Variants in SLC13A5 observed in about 807,000 individuals in gnomAD.
SLC13A5 encodes solute carrier family 13 member 5, also known as Na(+)/citrate cotransporter.
A neutral mutation model predicts 56.5 loss-of-function variants in SLC13A5; 25 were observed. The observed-to-expected ratio is 0.44, with a 90% CI of 0.32 to 0.62. The LOEUF (loss-of-function observed/expected upper bound fraction) is 0.62, where lower values mean the gene tolerates loss of function less well. SLC13A5 is among the 20% of genes least tolerant of loss of function. The pLI is 0.04. For missense variants in SLC13A5, 649 were observed against 737.8 expected (o/e 0.88, Z 1.39); for synonymous variants, 307 against 301.5 (o/e 1.02, Z -0.19).
intron 6 of SLC13A5, among the ~76,000 whole-genome samples, chr17:6,699,534 G>C (rs1020008428): frequency 1.3e-5 from 2 of 152,112 alleles, no homozygotes; most frequent in African/African-American, 4.8e-5. Context: ...GCAGTGGCAT[G>C]ATCTTGGCTT....
chr17:6,689,929 G>A (rs1439423332), intron 10 of SLC13A5: 4 of 151,668 alleles, frequency 2.6e-5, no homozygotes, highest in African/African-American at 2.4e-5. Context: ...CACAGCTCTC[G>A]GAAGAAAGAA....
chr17:6,690,483 A>T (rs1047875926), intron 10 of SLC13A5, among the ~76,000 whole-genome samples: 9 of 152,190 alleles, frequency 5.9e-5, no homozygotes, highest in Non-Finnish European at 1.0e-4. Flanking sequence ...TCCTTAGCCC[A>T]AGTCCTGTCT....
intron 4 of SLC13A5, among the ~76,000 whole-genome samples, chr17:6,703,349 G>A (rs1250738525): frequency 5.9e-5 from 9 of 152,232 alleles, no homozygotes; most frequent in Non-Finnish European, 8.8e-5. Context: ...CAATCAGGCC[G>A]TCAGCCACAG....
At chr17:6,694,569 C>G (rs756091548) in intron 7 of SLC13A5, among the ~76,000 whole-genome samples, 12 of 152,058 alleles carry the variant, frequency 7.9e-5, no homozygotes, top group Non-Finnish European at 1.8e-4. Flanking sequence ...TGAGATCATG[C>G]CATTGCACTC....
chr17:6,691,939 A>C (rs1439469899), intron 9 of SLC13A5, among the ~76,000 whole-genome samples: 1 of 152,100 alleles, frequency 6.6e-6, no homozygotes, highest in African/African-American at 2.4e-5. Flanking sequence ...ACTTCTCCTC[A>C]GCTAAATACC....
chr17:6,686,592 G>A, intron 11 of SLC13A5: 3 of 442,456 alleles, frequency 6.8e-6, no homozygotes, highest in Non-Finnish European at 1.3e-5. Context: ...CCTCAGAGAA[G>A]TGACAGGAGG....
chr17:6,698,978 G>C lies in SLC13A5; in HGVS notation c.839+2026C>G, dbSNP rs535146514. 1.3e-4 allele frequency among the ~76,000 whole-genome samples: 20 copies of C among 151,350 alleles called. No homozygotes were observed. The East Asian group carries it at 2.7e-3, about 21-fold the overall frequency. ...GAATTGCTTGAACCCAGGTGGTGGA[G>C]GTTGCAGCGAGCCGAGATCATACCA... On this transcript the variant is annotated intron_variant, in intron 6 of 11. Transcript: ENST00000433363.
rs777002283 is a variant in SLC13A5, at chr17:6,686,254, A to G, written c.1660T>C (p.Leu554=). The change falls in exon 12 of 12, where the codon TTG becomes CTG. Residue 554 remains leucine, a synonymous_variant. Coordinates refer to ENST00000433363, the MANE Select transcript of SLC13A5 (RefSeq NM_177550.5). ...VNTWGRAIFD[L]DHFPDWANVT... ...TTAGCCCAGTCAGGGAAATGATCCA[A>G]GTCAAATATGGCCCGTCCCCAGGTG... The G allele has an allele frequency of 3.1e-6, 5 of 1,614,180 alleles. No homozygotes were observed. In the South Asian group the frequency reaches 5.5e-5, roughly 18 times the overall value.
intron 3 of SLC13A5, 96 bp from the exon 4 acceptor site, chr17:6,704,152 A>T (rs373706302): frequency 1.5e-6 from 2 of 1,364,640 alleles, no homozygotes; most frequent in Non-Finnish European, 2.0e-6. Context: ...CCCTGCAGGG[A>T]TGCACAGGTG....
chr17:6,687,493 T>C lies in SLC13A5; in HGVS notation c.1575+36A>G. 6.2e-7 allele frequency: 1 copy of C among 1,612,280 alleles called. No individual in the cohort carries two copies. On this transcript the variant is annotated intron_variant, in intron 11 of 11. Coordinates refer to ENST00000433363, the MANE Select transcript of SLC13A5 (RefSeq NM_177550.5). The surrounding 1 kb of genome is among the most constrained non-coding windows in gnomAD (Gnocchi z 5.0). The stretch of plus-strand genomic sequence containing the variant: ...GGCATCCCTTATGACAACAGCGTTA[T>C]AGTCCGACGGGAGTAAATAAAAACA...
Position 6,687,879 on chromosome 17 carries a change from C to A in SLC13A5, c.1438-213G>T. The A allele has an allele frequency of 2.0e-6, 1 of 506,670 alleles. No individual in the cohort carries two copies. The highest frequency in any genetic ancestry group is 3.4e-6 in the Non-Finnish European group (1 of 297,512). 31.4% of individuals were successfully genotyped at this position (506,670 alleles called of 1,614,324 possible). A position where few individuals can be genotyped will look rare whatever the true frequency, so the allele number is the denominator to read the frequency against. ...AGGCCACCTGCCCTAGAAGGCCTTA[C>A]CCCCTCAATTCATTCGACATGTATT... On this transcript the variant is annotated intron_variant, in intron 10 of 11. Transcript: ENST00000433363. The surrounding 1 kb of genome is among the most constrained non-coding windows in gnomAD (Gnocchi z 5.0).
At position 6,701,578 on chromosome 17, in the gene SLC13A5, C is replaced by T. The variant is rs559364383; in HGVS notation, c.717-452G>A. Among the ~76,000 whole-genome samples, 2 of 152,252 alleles carry T rather than the reference C, an allele frequency of 1.3e-5. No individual in the cohort carries two copies. Among genetic ancestry groups the T allele is most frequent in the Admixed American group, 6.5e-5 (1 of 15,292 alleles). ...TACAAAAATTAACCAGGCATGGTGG[C>T]GGGCGCCTGTAATCCCAGCTAATAG... On this transcript the variant is annotated intron_variant, in intron 5 of 11. Coordinates refer to ENST00000433363, the MANE Select transcript of SLC13A5 (RefSeq NM_177550.5). The surrounding 1 kb of genome is among the most constrained non-coding windows in gnomAD (Gnocchi z 4.1).
intron 3 of SLC13A5, 151 bp downstream of exon 3, chr17:6,706,491 C>A: frequency 1.8e-6 from 2 of 1,138,040 alleles, no homozygotes; most frequent in Middle Eastern, 3.0e-4. Flanking sequence ...GTCTCTCCCA[C>A]TAAAGCTATA....
Position 6,695,710 on chromosome 17 carries a change from T to C in SLC13A5, c.1055+16A>G. ...CTGGCCCTAAGCCAGCGATTTCTATTGAATCCAAGACTTACTTTGTCTCAC... is the reference window on the plus strand; with the variant it reads ...CTGGCCCTAAGCCAGCGATTTCTATCGAATCCAAGACTTACTTTGTCTCAC... On this transcript the variant is annotated intron_variant, in intron 7 of 11. Transcript: ENST00000433363. The C allele has an allele frequency of 1.2e-6, 2 of 1,613,526 alleles. No individual in the cohort carries two copies. Among genetic ancestry groups the C allele is most frequent in the Non-Finnish European group, 1.7e-6 (2 of 1,179,556 alleles).
intron 6 of SLC13A5, among the ~76,000 whole-genome samples, chr17:6,697,320 C>T (rs1973588180): frequency 6.6e-6 from 1 of 152,174 alleles, no homozygotes; most frequent in Admixed American, 6.5e-5. Flanking sequence ...CCAGAGCCTG[C>T]ATTTGGTGCT....
Position 6,707,175 on chromosome 17 carries a change from G to A in SLC13A5, c.103-19C>T. 1 of 1,612,874 alleles carries A rather than the reference G, an allele frequency of 6.2e-7. No individual in the cohort carries two copies. The highest frequency in any genetic ancestry group is 8.5e-7 in the Non-Finnish European group (1 of 1,179,436). On this transcript the variant is annotated intron_variant, in intron 1 of 11. Transcript: ENST00000433363. Reference sequence around the variant, plus strand: ...TGACAAACTGAAGAGACAGTCCTGAGGCCTCAGCGTGTTGCCGCCTCCCTC... The same window carrying A: ...TGACAAACTGAAGAGACAGTCCTGAAGCCTCAGCGTGTTGCCGCCTCCCTC...
rs576194600 is a variant in SLC13A5 at position 6,692,816 on chromosome 17, T to C, written c.1275+228A>G. 1 of 559,336 alleles carries C rather than the reference T, an allele frequency of 1.8e-6. No homozygotes were observed. The highest frequency in any genetic ancestry group is 2.0e-5 in the South Asian group (1 of 48,922). 34.6% of individuals were successfully genotyped at this position (559,336 alleles called of 1,614,324 possible). A position where few individuals can be genotyped will look rare whatever the true frequency, so the allele number is the denominator to read the frequency against. On this transcript the variant is annotated intron_variant, in intron 9 of 11. Transcript: ENST00000433363. This position sits in a 1 kb window ranked among gnomAD's most constrained non-coding sequence, Gnocchi z 5.5. ...GCCTCTCTTGGCTAACCACGGTCAC[T>C]CATTCACTCATTCCTGCAATCGCTC...
At position 6,687,440 on chromosome 17, in the gene SLC13A5, G is replaced by T; in HGVS notation, c.1575+89C>A. On this transcript the variant is annotated intron_variant, in intron 11 of 11. Coordinates refer to ENST00000433363, the MANE Select transcript of SLC13A5 (RefSeq NM_177550.5). This position sits in a 1 kb window ranked among gnomAD's most constrained non-coding sequence, Gnocchi z 5.0. ...TGGCATTCCCAAGTCACATGACATC[G>T]TTTTGAAACTCTGTCATTCATAAAT... The T allele has an allele frequency of 6.4e-7, 1 of 1,572,002 alleles. No individual in the cohort carries two copies.
intron 1 of SLC13A5, among the ~76,000 whole-genome samples, chr17:6,709,813 GGAGGCAGGGTCCC>G (rs1973971762): frequency 6.6e-6 from 1 of 152,124 alleles, no homozygotes. Flanking sequence ...CTCCCTACTG[GGAGGCAGGGTCCC>G]TCAGCCTCGG....
Sources: allele counts gnomAD v4.1 joint callset (sites outside exome capture counted in the v4.1 genomes callset), GRCh38; gene constraint gnomAD v4.1.1; non-coding constraint Gnocchi (gnomAD v3.1); transcripts MANE v1.5; gene names NCBI Gene and HGNC (gene_info 2026-07-23, HGNC 2026-07-21).